Variants in ADAMTSL3 observed in about 807,000 individuals in gnomAD.
ADAMTSL3 encodes ADAMTS like 3.
Under a neutral mutation model 201.7 loss-of-function variants are expected in ADAMTSL3, and 128 were observed. That is an observed-to-expected ratio of 0.63 (90% confidence interval 0.55 to 0.73). The LOEUF is 0.73. Among genes scored for constraint, ADAMTSL3 ranks in the 30% least tolerant of loss-of-function variants. The pLI, the probability that ADAMTSL3 is intolerant of heterozygous loss-of-function variation, is 0.00. For synonymous variants in ADAMTSL3, 738 were observed against 748.4 expected (o/e 0.99, Z 0.23); for missense variants, 1,990 against 2,119.6 (o/e 0.94, Z 1.20).
At chr15:83,750,552 A>G (rs2062622364) in intron 3 of ADAMTSL3, among the ~76,000 whole-genome samples, 1 of 124,602 alleles carries the variant, frequency 8.0e-6, no homozygotes, top group Non-Finnish European at 1.8e-5. Context: ...AGATTTTTGC[A>G]TGGGGGAGAC....
chr15:83,719,794 A>G (rs1042183970), intron 3 of ADAMTSL3, among the ~76,000 whole-genome samples: 1 of 152,198 alleles, frequency 6.6e-6, no homozygotes, highest in African/African-American at 2.4e-5. Flanking sequence ...ATGAAACTCA[A>G]CTTTGCTGTG....
chr15:83,881,430 C>G (rs1359361290), intron 9 of ADAMTSL3, among the ~76,000 whole-genome samples: 2 of 152,184 alleles, frequency 1.3e-5, no homozygotes, highest in African/African-American at 4.8e-5. Context: ...TGGAAAATGC[C>G]TTGAGCAAAA....
In ADAMTSL3 at chr15:83,942,970, G is replaced by A; in HGVS notation, c.2378G>A (p.Gly793Asp). 1.2e-6 allele frequency: 2 copies of A among 1,614,078 alleles called. No homozygotes were observed. The highest frequency in any genetic ancestry group is 1.7e-6 in the Non-Finnish European group (2 of 1,179,956). ...ACCTGTCGGCAGCTGCTAACGGATG[G>A]CAGCTTTTTGAATCTCTCAGATGAA... The part of the protein sequence containing the change: ...RVTCRQLLTD[G>D]SFLNLSDELC... Residue 793 changes from glycine to aspartate, a missense_variant, in exon 19 of 30, where the codon GGC (glycine) becomes GAC (aspartate). Gly to Asp is a moderately conservative substitution (Grantham distance 94). Coordinates refer to ENST00000286744, the MANE Select transcript of ADAMTSL3 (RefSeq NM_207517.3).
In ADAMTSL3 at chr15:84,025,343, G is replaced by A. The variant is rs1322361615; in HGVS notation, c.4563G>A (p.Val1521=). The change falls in exon 27 of 30, where the codon GTG becomes GTA. Residue 1521 remains valine, a synonymous_variant. Transcript: ENST00000286744. ...KRTKANGTVQ[V]VSPRACAPKD... ...CAAAAGCCAATGGAACTGTGCAGGT[G>A]GTGTCTCCAAGAGCATGTGCCCCTA... The A allele has an allele frequency of 2.5e-6, 4 of 1,614,026 alleles. No homozygotes were observed. The highest frequency in any genetic ancestry group is 3.4e-6 in the Non-Finnish European group (4 of 1,180,032).
intron 7 of ADAMTSL3, among the ~76,000 whole-genome samples, chr15:83,853,903 TATCTC>T (rs1220708368): frequency 6.1e-5 from 7 of 114,378 alleles, no homozygotes; most frequent in Non-Finnish European, 1.1e-4. Flanking sequence ...CCTATCACTC[TATCTC>T]TATCTATCTA....
chr15:83,743,284 C>T (rs1427806913), intron 3 of ADAMTSL3, among the ~76,000 whole-genome samples: 1 of 151,978 alleles, frequency 6.6e-6, no homozygotes, highest in Non-Finnish European at 1.5e-5. Flanking sequence ...GAGGCCGAGG[C>T]GGGTGGATCA....
intron 10 of ADAMTSL3, among the ~76,000 whole-genome samples, chr15:83,888,231 T>A (rs1480332592): frequency 6.6e-6 from 1 of 152,228 alleles, no homozygotes; most frequent in Non-Finnish European, 1.5e-5. Flanking sequence ...CTGGCAGAAT[T>A]TCAATACATT....
At chr15:83,768,701 A>G (rs959579516) in intron 3 of ADAMTSL3, among the ~76,000 whole-genome samples, 3 of 152,224 alleles carry the variant, frequency 2.0e-5, no homozygotes, top group African/African-American at 7.2e-5. Context: ...ACTGCAAGGA[A>G]GACGACGCAA....
At chr15:83,734,980 T>C (rs1337655929) in intron 3 of ADAMTSL3, among the ~76,000 whole-genome samples, 7 of 152,166 alleles carry the variant, frequency 4.6e-5, no homozygotes, top group Admixed American at 4.6e-4. Flanking sequence ...TTTTCAGATA[T>C]GATTATACTA....
chr15:83,918,329 C>G (rs887004146), intron 16 of ADAMTSL3, among the ~76,000 whole-genome samples: 1 of 152,146 alleles, frequency 6.6e-6, no homozygotes, highest in African/African-American at 2.4e-5. Context: ...TCAGTAGTTC[C>G]TAGCTTTGGA....
intron 13 of ADAMTSL3, among the ~76,000 whole-genome samples, chr15:83,893,949 A>G (rs540636849): frequency 1.3e-5 from 2 of 152,328 alleles, no homozygotes; most frequent in South Asian, 2.1e-4. Context: ...GTGCATTAAT[A>G]TATCTATTCA....
chr15:83,836,240 T>C (rs1385336177), intron 6 of ADAMTSL3, among the ~76,000 whole-genome samples: 1 of 152,224 alleles, frequency 6.6e-6, no homozygotes, highest in African/African-American at 2.4e-5. Context: ...AGACTATGAT[T>C]GAATACTTAT....
Position 83,913,336 on chromosome 15 carries a change from G to A in ADAMTSL3, c.1945G>A (p.Glu649Lys). 6.2e-7 allele frequency: 1 copy of A among 1,613,744 alleles called. No homozygotes were observed. Among genetic ancestry groups the A allele is most frequent in the Non-Finnish European group, 8.5e-7 (1 of 1,180,020 alleles). The change falls in exon 16 of 30, where the codon GAG becomes AAG. Residue 649 changes from glutamate to lysine, a missense_variant. Transcript: ENST00000286744. ...PEDSETTYDW[E>K]YAGFTPCTAT... ...GGACAGTGAGACGACTTACGACTGG[G>A]AGTACGCTGGGTTCACCCCTTGCAC...
chr15:84,027,328 T>G (rs1166596545), intron 27 of ADAMTSL3, among the ~76,000 whole-genome samples: 1 of 152,184 alleles, frequency 6.6e-6, no homozygotes, highest in East Asian at 1.9e-4. Context: ...TTCCTCAAAA[T>G]GTTAGATTAG....
At chr15:83,714,724 CTTTT>C (rs1370491829) in intron 3 of ADAMTSL3, among the ~76,000 whole-genome samples, 1 of 107,578 alleles carries the variant, frequency 9.3e-6, no homozygotes, top group Non-Finnish European at 2.0e-5. Flanking sequence ...CTCTTTCTTT[CTTTT>C]TCTCTCCTTC....
chr15:84,039,512 TAAAAG>T lies in ADAMTSL3; in HGVS notation c.*1710_*1714del, dbSNP rs1008728701. ...ATCTGATTGTTGAAGGTTATTAAAT[TAAAAG>T]AAAGATCATTTGTAACATACTCTTT... On this transcript the variant is annotated 3_prime_UTR_variant, in exon 30 of 30. Coordinates refer to ENST00000286744, the MANE Select transcript of ADAMTSL3 (RefSeq NM_207517.3). 3.9e-5 allele frequency: 6 copies of T among 152,614 alleles called. No individual in the cohort carries two copies. The highest frequency in any genetic ancestry group is 1.4e-4 in the African/African-American group (6 of 41,426). 9.5% of individuals were successfully genotyped at this position (152,614 alleles called of 1,614,324 possible).
intron 19 of ADAMTSL3, among the ~76,000 whole-genome samples, chr15:83,955,341 T>A (rs1394646744): frequency 6.6e-6 from 1 of 152,128 alleles, no homozygotes; most frequent in Non-Finnish European, 1.5e-5. Context: ...CCATTGCTGA[T>A]CACTTAATGC....
intron 7 of ADAMTSL3, among the ~76,000 whole-genome samples, chr15:83,842,526 C>G (rs1332984867): frequency 6.6e-6 from 1 of 151,928 alleles, no homozygotes; most frequent in African/African-American, 2.4e-5. Context: ...TGTTGCATGC[C>G]CTGAGAGGGG....
At chr15:83,970,758 C>T in intron 20 of ADAMTSL3, 121 bp downstream of exon 20, 1 of 1,273,012 alleles carries the variant, frequency 7.9e-7, no homozygotes, top group Non-Finnish European at 1.1e-6. Flanking sequence ...TCAAGCTGTA[C>T]TCAGTGTTGT....
Sources: allele counts gnomAD v4.1 joint callset (sites outside exome capture counted in the v4.1 genomes callset), GRCh38; gene constraint gnomAD v4.1.1; transcripts MANE v1.5; gene names NCBI Gene and HGNC (gene_info 2026-07-23, HGNC 2026-07-21).